Variants in DOCK2 observed in about 807,000 individuals in gnomAD.
DOCK2 encodes the protein dedicator of cytokinesis 2.
In DOCK2, 87 loss-of-function variants were observed where a neutral mutation model predicts 248.9. That is an observed-to-expected ratio of 0.35 (90% CI 0.29 to 0.42). The LOEUF is 0.42. DOCK2 is among the 10% of genes least tolerant of loss of function. The pLI is 1.00. For missense variants in DOCK2, 1,747 were observed against 2,300.2 expected, an observed-to-expected ratio of 0.76 and a Z score of 4.92; for synonymous variants, 805 against 821.6, an observed-to-expected ratio of 0.98 and a Z score of 0.35.
At chr5:169,767,092 C>T (rs752804236) in intron 25 of DOCK2, among the ~76,000 whole-genome samples, 8 of 152,138 alleles carry the variant, frequency 5.3e-5, no homozygotes, top group African/African-American at 7.2e-5. Context: ...TTTTGAGTGG[C>T]GAGAGATGGT....
chr5:169,924,923 G>A (rs1284212820), intron 27 of DOCK2, among the ~76,000 whole-genome samples: 3 of 152,200 alleles, frequency 2.0e-5, no homozygotes, highest in Non-Finnish European at 4.4e-5. Flanking sequence ...AAATGGGAGT[G>A]TGTGTCCAGG....
intron 27 of DOCK2, among the ~76,000 whole-genome samples, chr5:169,941,053 G>A (rs1450159956): frequency 6.6e-6 from 1 of 152,178 alleles, no homozygotes. Context: ...CTTCAGTGGG[G>A]TAGGCAGATA....
chr5:169,657,370 A>G (rs1758182322), intron 2 of DOCK2, among the ~76,000 whole-genome samples: 1 of 152,254 alleles, frequency 6.6e-6, no homozygotes, highest in Non-Finnish European at 1.5e-5. Context: ...AAAACTGTGT[A>G]GTAGAAAGAA....
chr5:169,759,610 C>G (rs1207864771), intron 23 of DOCK2, 95 bp from the exon 24 acceptor site: 4 of 1,336,924 alleles, frequency 3.0e-6, no homozygotes, highest in Non-Finnish European at 4.3e-6. Context: ...CAGAATCATT[C>G]TCCTCTGATC....
chr5:169,886,339 C>T, intron 27 of DOCK2, among the ~76,000 whole-genome samples: 1 of 152,180 alleles, frequency 6.6e-6, no homozygotes, highest in East Asian at 1.9e-4. Context: ...AGTTGCTTTA[C>T]ATAAAAATTC....
intron 23 of DOCK2, among the ~76,000 whole-genome samples, chr5:169,749,589 A>G (rs1336777660): frequency 6.6e-6 from 1 of 152,182 alleles, no homozygotes; most frequent in Non-Finnish European, 1.5e-5. Context: ...TGAAGCTCAG[A>G]CAGTTGAAAC....
At chr5:169,875,171 C>T (rs1772244355) in intron 27 of DOCK2, 2 of 454,564 alleles carry the variant, frequency 4.4e-6, no homozygotes, top group Non-Finnish European at 8.8e-6. Flanking sequence ...CTTTCAAGAC[C>T]CTGATTTTTT....
intron 27 of DOCK2, among the ~76,000 whole-genome samples, chr5:169,899,192 G>A: frequency 6.6e-6 from 1 of 152,306 alleles, no homozygotes; most frequent in Middle Eastern, 3.4e-3. Flanking sequence ...ATGATGACAA[G>A]GTGGCTGCTG....
At chr5:170,032,815 C>T (rs185245655) in intron 34 of DOCK2, among the ~76,000 whole-genome samples, 156 of 152,264 alleles carry the variant, frequency 1.0e-3, no homozygotes, top group African/African-American at 2.9e-3. Context: ...AGGAAATGAC[C>T]CTCAGAAGTC....
chr5:169,957,277 T>C (rs1278692345), intron 27 of DOCK2, among the ~76,000 whole-genome samples: 3 of 152,240 alleles, frequency 2.0e-5, no homozygotes, highest in African/African-American at 4.8e-5. Flanking sequence ...ACTTAACTGC[T>C]CTGAGCCCCA....
At chr5:169,704,865 T>A (rs932851690) in intron 14 of DOCK2, among the ~76,000 whole-genome samples, 1 of 151,890 alleles carries the variant, frequency 6.6e-6, no homozygotes, top group Non-Finnish European at 1.5e-5. Context: ...TAAAAAATTT[T>A]AAAAATAAAC....
intron 13 of DOCK2, among the ~76,000 whole-genome samples, chr5:169,701,407 G>A (rs374193315): frequency 5.9e-5 from 9 of 152,096 alleles, no homozygotes; most frequent in African/African-American, 2.2e-4. Flanking sequence ...TTTGTCTGGC[G>A]GTTGTCTCCT....
At chr5:170,002,840 G>T (rs981527761) in intron 30 of DOCK2, among the ~76,000 whole-genome samples, 1 of 152,138 alleles carries the variant, frequency 6.6e-6, no homozygotes, top group African/African-American at 2.4e-5. Context: ...AAAGAGACCT[G>T]TGCATTTTGC....
chr5:169,921,419 C>T (rs1442917246), intron 27 of DOCK2, among the ~76,000 whole-genome samples: 2 of 152,230 alleles, frequency 1.3e-5, no homozygotes, highest in African/African-American at 4.8e-5. Context: ...TTGAGGACTG[C>T]TGTGATATTC....
chr5:169,768,595 G>A (rs1283522513), intron 25 of DOCK2, among the ~76,000 whole-genome samples: 1 of 152,166 alleles, frequency 6.6e-6, no homozygotes, highest in African/African-American at 2.4e-5. Context: ...TGAGGCTCTT[G>A]CTGCCAGCAG....
intron 25 of DOCK2, among the ~76,000 whole-genome samples, chr5:169,783,160 A>T (rs1765801973): frequency 6.6e-6 from 1 of 152,236 alleles, no homozygotes; most frequent in Non-Finnish European, 1.5e-5. Context: ...TGTAGTTTAA[A>T]ACCTCCAAAA....
At position 170,050,292 on chromosome 5, in the gene DOCK2, C is replaced by T; in HGVS notation, c.4108C>T (p.Arg1370Ter). The change falls in exon 41 of 52, where the codon CGA becomes TGA. Residue 1370 changes from arginine to a stop codon, truncating the protein, a stop_gained. Coordinates refer to ENST00000520908, the MANE Select transcript of DOCK2 (RefSeq NM_004946.3). LOFTEE classifies it high-confidence loss of function. ...CATCTACCGCGGGAAGGAATATGAG[C>T]GAAGAGAAGATTTCCAGATGCAGCT... ...VFIYRGKEYE[R>*]REDFQMQLMT... The T allele has an allele frequency of 3.1e-6, 5 of 1,614,144 alleles. No individual in the cohort carries two copies. The highest frequency in any genetic ancestry group is 4.2e-6 in the Non-Finnish European group (5 of 1,180,016).
rs542643694 is a variant in DOCK2 at position 169,875,289 on chromosome 5, G to A, written c.2799+34437G>A. ...ACACTCTCTGATTCAGTGGCTTTGG[G>A]GCTGAAACCCAGCAACAAGTTTCCA... On this transcript the variant is annotated intron_variant, in intron 27 of 51. Coordinates refer to ENST00000520908, the MANE Select transcript of DOCK2 (RefSeq NM_004946.3). 56 of 456,602 alleles carry A rather than the reference G, an allele frequency of 1.2e-4. No individual in the cohort carries two copies. The East Asian group carries it at 2.2e-3, about 18-fold the overall frequency. 28.3% of individuals were successfully genotyped at this position (456,602 alleles called of 1,614,324 possible). A position where few individuals can be genotyped will look rare whatever the true frequency, so the allele number is the denominator to read the frequency against.
chr5:169,826,096 A>G (rs1056142709), intron 26 of DOCK2, among the ~76,000 whole-genome samples: 3 of 152,144 alleles, frequency 2.0e-5, no homozygotes, highest in African/African-American at 4.8e-5. Context: ...CCAACCATCC[A>G]TCCATCCCTC....
Sources: allele counts gnomAD v4.1 joint callset (sites outside exome capture counted in the v4.1 genomes callset), GRCh38; gene constraint gnomAD v4.1.1; transcripts MANE v1.5; gene names NCBI Gene and HGNC (gene_info 2026-07-23, HGNC 2026-07-21).